The following ZNF782 variants were observed in gnomAD, a reference collection of about 807,000 sequenced individuals.
The protein encoded by ZNF782 is zinc finger protein 782.
Under a neutral mutation model 13.0 loss-of-function variants are expected in ZNF782, and 12 were observed. That is an observed-to-expected ratio of 0.92 (90% CI 0.59 to 1.50). The LOEUF (loss-of-function observed/expected upper bound fraction) is 1.50, where lower values mean the gene tolerates loss of function less well. Among genes scored for constraint, ZNF782 ranks in the 40% most tolerant of loss-of-function variants. The pLI is 0.00. For synonymous variants in ZNF782, 284 were observed against 283.0 expected (o/e 1.00, Z -0.04); for missense variants, 770 against 822.9 (o/e 0.94, Z 0.79).
chr9:96,846,768 C>A (rs1180627638), intron 3 of ZNF782, among the ~76,000 whole-genome samples: 1 of 152,128 alleles, frequency 6.6e-6, no homozygotes, highest in Non-Finnish European at 1.5e-5. Context: ...AGACCACTGA[C>A]AGTACTAGAC....
At chr9:96,876,971 A>AAAG (rs1450059958), upstream of ZNF782, among the ~76,000 whole-genome samples, 303 of 127,986 alleles carry the variant, frequency 2.4e-3, no homozygotes, top group Middle Eastern at 3.8e-3. Context: ...AAAAAAAAAA[A>AAAG]AAGAAGAAGA....
chr9:96,834,261 C>A (rs1373382102), intron 4 of ZNF782, among the ~76,000 whole-genome samples: 3 of 152,204 alleles, frequency 2.0e-5, no homozygotes, highest in Non-Finnish European at 2.9e-5. Flanking sequence ...CTCACGTGAG[C>A]TGATGGTTTT....
the ZNF782 span, chr9:96,893,401 G>C: frequency 2.0e-5 from 3 of 152,186 alleles, no homozygotes; most frequent in African/African-American, 7.2e-5. Flanking sequence ...AGGATGTAGA[G>C]AAACAGGAAC....
the ZNF782 span, chr9:96,893,999 C>CAAAAAAAAAAAAAA: frequency 3.5e-3 from 173 of 48,872 alleles, 14 homozygotes; most frequent in African/African-American, 0.018. Context: ...GACTCCGTCT[C>CAAAAAAAAAAAAAA]AAAAAAAAAA....
At chr9:96,832,448 T>C (rs7042022) in intron 4 of ZNF782, among the ~76,000 whole-genome samples, 139,848 of 152,240 alleles carry the variant, frequency 0.92, 64,457 homozygotes, top group East Asian at 1. Context: ...TTCTTTCTTC[T>C]TTCCTGATGC....
chr9:96,881,400 A>C, the ZNF782 span, among the ~76,000 whole-genome samples: 2 of 152,096 alleles, frequency 1.3e-5, no homozygotes, highest in South Asian at 4.1e-4. Flanking sequence ...TTAATGTTCT[A>C]AATTTCTTAT....
Position 96,850,078 on chromosome 9 carries a change from A to G in ZNF782, c.15+1869T>C, listed in dbSNP as rs972413217. On this transcript the variant is annotated intron_variant, in intron 3 of 5. Coordinates refer to ENST00000481138, the MANE Select transcript of ZNF782 (RefSeq NM_001001662.3). This position sits in a 1 kb window ranked among gnomAD's most constrained non-coding sequence, Gnocchi z 4.3. The stretch of plus-strand genomic sequence containing the variant: ...GCTGGTAGGAATGTAAATTAGGACA[A>G]CCTCTATGGAAAAAGTATGGAGATT... 6.6e-6 allele frequency among the ~76,000 whole-genome samples: 1 copy of G among 152,184 alleles called. No individual in the cohort carries two copies. Among genetic ancestry groups the G allele is most frequent in the African/African-American group, 2.4e-5 (1 of 41,448 alleles).
chr9:96,872,751 T>C (rs1471576111), intron 1 of ZNF782, among the ~76,000 whole-genome samples: 1 of 152,222 alleles, frequency 6.6e-6, no homozygotes, highest in East Asian at 1.9e-4. Context: ...GATAATTTAT[T>C]ACACTTAAAA....
upstream of ZNF782, among the ~76,000 whole-genome samples, chr9:96,854,839 G>C (rs1851617424): frequency 6.6e-6 from 1 of 151,700 alleles, no homozygotes; most frequent in Non-Finnish European, 1.5e-5. Context: ...ATATGGATTG[G>C]GAATTGCAAA....
chr9:96,918,314 G>T, the ZNF782 span, among the ~76,000 whole-genome samples: 2 of 148,124 alleles, frequency 1.4e-5, no homozygotes, highest in South Asian at 2.1e-4. Context: ...GGAAGCTGAG[G>T]GGGGAGAATT....
At chr9:96,871,434 T>C (rs960515122) in intron 1 of ZNF782, among the ~76,000 whole-genome samples, 1 of 152,184 alleles carries the variant, frequency 6.6e-6, no homozygotes, top group Admixed American at 6.5e-5. Context: ...GCTGGGACTA[T>C]AGGTGTGTAC....
At chr9:96,930,875 T>TTTTTTTTG in the ZNF782 span, among the ~76,000 whole-genome samples, 1 of 30,950 alleles carries the variant, frequency 3.2e-5, no homozygotes, top group African/African-American at 2.2e-4. Context: ...TCCAGTGGTT[T>TTTTTTTTG]TTTTTTTTTT....
the ZNF782 span, chr9:96,888,072 G>A: frequency 6.6e-6 from 1 of 150,846 alleles, no homozygotes; most frequent in Non-Finnish European, 1.5e-5. Context: ...AATGTTAAAT[G>A]ACGAGTTACT....
chr9:96,894,709 A>T, the ZNF782 span: 2 of 152,158 alleles, frequency 1.3e-5, no homozygotes, highest in Non-Finnish European at 1.5e-5. Context: ...CTTTAACAAG[A>T]GGACATGCTT....
intron 5 of ZNF782, among the ~76,000 whole-genome samples, chr9:96,821,005 C>T (rs778074635): frequency 5.3e-5 from 8 of 152,174 alleles, no homozygotes; most frequent in South Asian, 2.1e-4. Flanking sequence ...GTGAACCTTA[C>T]GGATCATATA....
At chr9:96,825,665 A>C (rs1338010187) in intron 5 of ZNF782, among the ~76,000 whole-genome samples, 2 of 152,200 alleles carry the variant, frequency 1.3e-5, no homozygotes, top group Non-Finnish European at 2.9e-5. Flanking sequence ...CATCTGACAA[A>C]GGGCTAATAT....
At chr9:96,842,754 T>C (rs1275791628) in intron 4 of ZNF782, among the ~76,000 whole-genome samples, 1 of 151,978 alleles carries the variant, frequency 6.6e-6, no homozygotes, top group Non-Finnish European at 1.5e-5. Flanking sequence ...ATGAAGAGGA[T>C]GAAAAGACAA....
rs560297599 is a variant in ZNF782 at position 96,840,126 on chromosome 9, G to A, written c.142+4764C>T. ...ATGGTTGATTACTATTTTATTTAAA[G>A]CCCTCAATGACTACTTATTGCTTTA... On this transcript the variant is annotated intron_variant, in intron 4 of 5. Transcript: ENST00000481138. 2.2e-4 allele frequency among the ~76,000 whole-genome samples: 34 copies of A among 152,116 alleles called. No individual in the cohort carries two copies. In the South Asian group the frequency reaches 4.8e-3, roughly 21 times the overall value.
the ZNF782 span, among the ~76,000 whole-genome samples, chr9:96,922,243 G>A: frequency 1.3e-5 from 2 of 151,690 alleles, no homozygotes; most frequent in East Asian, 3.9e-4. Context: ...TGTGGAGGAG[G>A]ATGTTACATC....
Sources: gnomAD v4.1 joint callset for allele counts (sites outside exome capture counted in the v4.1 genomes callset) on GRCh38, gnomAD v4.1.1 for gene constraint, Gnocchi (gnomAD v3.1) non-coding constraint, MANE v1.5 for transcripts, NCBI Gene and HGNC (gene_info 2026-07-23, HGNC 2026-07-21) for gene names.